The following CTBP2 variants were observed in gnomAD, a reference collection of about 807,000 sequenced individuals.
CTBP2 encodes the protein C-terminal binding protein 2, also known as C-terminal-binding protein 2.
In CTBP2, 30 loss-of-function variants were observed where a neutral mutation model predicts 80.3. The observed-to-expected ratio is 0.37, with a 90% confidence interval of 0.28 to 0.51. The LOEUF is 0.51. Ranked by LOEUF, CTBP2 falls within the 20% of genes least tolerant of loss-of-function variation. The pLI, the probability that CTBP2 is intolerant of heterozygous loss-of-function variation, is 0.93. For synonymous variants in CTBP2, 594 were observed against 587.4 expected, an observed-to-expected ratio of 1.01 and a Z score of -0.16; for missense variants, 1,212 against 1,375.3, an observed-to-expected ratio of 0.88 and a Z score of 1.88.
chr10:125,040,209 G>T (rs928857565), intron 2 of CTBP2, among the ~76,000 whole-genome samples: 1 of 152,094 alleles, frequency 6.6e-6, no homozygotes, highest in South Asian at 2.1e-4. Flanking sequence ...AAGCCCAGAA[G>T]TTTGGGAGGC....
At chr10:125,064,965 C>CA (rs1844402032) in intron 2 of CTBP2, among the ~76,000 whole-genome samples, 1 of 152,196 alleles carries the variant, frequency 6.6e-6, no homozygotes, top group African/African-American at 2.4e-5. Flanking sequence ...TACTGCTTAA[C>CA]GAGCAGAGAA....
intron 2 of CTBP2, among the ~76,000 whole-genome samples, chr10:125,056,837 T>A (rs913032443): frequency 6.6e-6 from 1 of 152,140 alleles, no homozygotes; most frequent in African/African-American, 2.4e-5. Flanking sequence ...GGGACCCACC[T>A]CCCAGTCCGT....
chr10:125,109,852 T>G lies in CTBP2; in HGVS notation c.-102+1138A>C, dbSNP rs551851822. ...CCGAGTGCCAGCAGAGACCACTTGCTCAGTCACCAAGCTGGTAAGCAATAT... is the reference window on the plus strand; with the variant it reads ...CCGAGTGCCAGCAGAGACCACTTGCGCAGTCACCAAGCTGGTAAGCAATAT... On this transcript the variant is annotated intron_variant, in intron 2 of 10. Coordinates refer to the CTBP2 transcript ENST00000337195. Among the ~76,000 whole-genome samples the G allele has an allele frequency of 2.6e-5, 4 of 152,352 alleles. No individual in the cohort carries two copies. In the South Asian group the frequency reaches 8.3e-4, roughly 32 times the overall value.
chr10:125,156,811 T>C (rs1306458412), intron 1 of CTBP2, among the ~76,000 whole-genome samples: 1 of 152,228 alleles, frequency 6.6e-6, no homozygotes, highest in Non-Finnish European at 1.5e-5. Flanking sequence ...TTTCCAGACT[T>C]AAAAAGTAAA....
Position 125,056,196 on chromosome 10 carries a change from GTAA to G in CTBP2, c.-101-17044_-101-17042del, listed in dbSNP as rs1161257545. 2.7e-3 allele frequency among the ~76,000 whole-genome samples: 403 copies of G among 147,718 alleles called. 3 individuals are homozygous for G. The highest frequency in any genetic ancestry group is 4.4e-3 in the South Asian group (21 of 4,750). ...AAAAATAATAATAATAATAATAATA[GTAA>G]TAATAATAATAATAACTAATAAACA... On this transcript the variant is annotated intron_variant, in intron 2 of 10. Coordinates refer to the CTBP2 transcript ENST00000337195.
chr10:125,107,464 T>C (rs1851638374), intron 2 of CTBP2, among the ~76,000 whole-genome samples: 1 of 152,220 alleles, frequency 6.6e-6, no homozygotes, highest in African/African-American at 2.4e-5. Context: ...CCTCCACCAC[T>C]TCACAACCAT....
At chr10:125,043,292 C>G (rs75080087) in intron 2 of CTBP2, among the ~76,000 whole-genome samples, 107 of 152,318 alleles carry the variant, frequency 7.0e-4, no homozygotes, top group African/African-American at 2.5e-3. Flanking sequence ...AGTCTAAAAT[C>G]TGGGCAGGTT....
chr10:125,099,703 G>A (rs901715469), intron 2 of CTBP2, among the ~76,000 whole-genome samples: 1 of 152,232 alleles, frequency 6.6e-6, no homozygotes, highest in Admixed American at 6.5e-5. Flanking sequence ...AAGCTACCAG[G>A]GGAGGTGGCA....
At chr10:125,102,976 G>A (rs750461101) in intron 2 of CTBP2, among the ~76,000 whole-genome samples, 6 of 152,168 alleles carry the variant, frequency 3.9e-5, no homozygotes, top group Non-Finnish European at 5.9e-5. Context: ...TGGCGGGAGA[G>A]TACAGCTGGG....
intron 2 of CTBP2, among the ~76,000 whole-genome samples, chr10:125,041,189 C>T (rs535800776): frequency 1.1e-4 from 16 of 152,344 alleles, no homozygotes; most frequent in African/African-American, 2.6e-4. Flanking sequence ...TCAAGCAATC[C>T]TCCCACCTCA....
intron 1 of CTBP2, chr10:125,025,957 T>C (rs1011331476): frequency 1.6e-6 from 2 of 1,278,802 alleles, no homozygotes; most frequent in African/African-American, 3.0e-5. Flanking sequence ...CCTTCTTGTT[T>C]GGTGGTGTGT....
chr10:125,043,397 A>G (rs1960391884), intron 2 of CTBP2, among the ~76,000 whole-genome samples: 1 of 152,196 alleles, frequency 6.6e-6, no homozygotes. Context: ...ACCTGGGATC[A>G]ACTCAGTTTT....
intron 2 of CTBP2, among the ~76,000 whole-genome samples, chr10:125,042,664 T>TGAGG (rs1960179068): frequency 6.6e-6 from 1 of 151,990 alleles, no homozygotes; most frequent in Admixed American, 6.6e-5. Context: ...AGAGTGGCAG[T>TGAGG]GAGGACCAGC....
intron 1 of CTBP2, among the ~76,000 whole-genome samples, chr10:125,009,266 C>T (rs1481182675): frequency 2.0e-5 from 3 of 152,330 alleles, no homozygotes; most frequent in South Asian, 2.1e-4. Flanking sequence ...CAGAGCCAAG[C>T]GATTCACGGC....
chr10:125,068,095 C>G (rs905740872), intron 2 of CTBP2, among the ~76,000 whole-genome samples: 4 of 152,194 alleles, frequency 2.6e-5, no homozygotes, highest in Non-Finnish European at 5.9e-5. Context: ...AGCCAGAAAG[C>G]AAAGCGAGGA....
At chr10:124,995,795 G>C (rs1589931327) in intron 4 of CTBP2, among the ~76,000 whole-genome samples, 2 of 152,198 alleles carry the variant, frequency 1.3e-5, no homozygotes, top group Non-Finnish European at 2.9e-5. Context: ...GACGGAGTGA[G>C]AGATGGCTCT....
chr10:125,119,148 T>C (rs1853881323), intron 1 of CTBP2, among the ~76,000 whole-genome samples: 1 of 152,170 alleles, frequency 6.6e-6, no homozygotes, highest in South Asian at 2.1e-4. Context: ...CTATAGGCCC[T>C]ACACAGGGCC....
chr10:125,026,240 C>T lies in CTBP2; in HGVS notation c.1520G>A (p.Gly507Asp). The T allele has an allele frequency of 4.3e-6, 7 of 1,613,770 alleles. No individual in the cohort carries two copies. The highest frequency in any genetic ancestry group is 5.9e-6 in the Non-Finnish European group (7 of 1,179,932). ...TGGCTTCCGCAAGACCTGGGGGCTG[C>T]CGTGAGGGCTGGGCAGCGGAGAGGC... Residue 507 changes from glycine (G) to aspartate (D), a missense_variant, in exon 1 of 9, where the codon GGC becomes GAC. Physicochemically the swap from Gly to Asp is moderately conservative, Grantham distance 94 (BLOSUM62 -1). This residue lies in a region of CTBP2 where 848 missense variants were observed against 782.3 expected (regional missense o/e 1.08). Coordinates refer to ENST00000309035, the MANE Select transcript of CTBP2 (RefSeq NM_022802.3).
At chr10:125,094,725 CCCA>C (rs952485882) in intron 2 of CTBP2, among the ~76,000 whole-genome samples, 62 of 152,230 alleles carry the variant, frequency 4.1e-4, no homozygotes, top group Middle Eastern at 3.4e-3. Flanking sequence ...AGGACAGCCC[CCCA>C]CAATGAAGAA....
Sources: allele counts gnomAD v4.1 joint callset (sites outside exome capture counted in the v4.1 genomes callset), GRCh38; gene constraint gnomAD v4.1.1; regional missense constraint gnomAD v4.1.1; transcripts MANE v1.5; gene names NCBI Gene and HGNC (gene_info 2026-07-23, HGNC 2026-07-21).